OR5D3: variants seen among roughly 807,000 people sequenced by gnomAD.
OR5D3 encodes the protein olfactory receptor family 5 subfamily D member 3.
the OR5D3 span, among the ~76,000 whole-genome samples, chr11:55,725,857 G>A: frequency 3.3e-5 from 5 of 152,020 alleles, no homozygotes; most frequent in Admixed American, 6.5e-5. Context: ...CTGTAGAAAA[G>A]TATATATTTC....
the OR5D3 span, chr11:55,729,577 T>C: frequency 3.3e-5 from 5 of 151,962 alleles, no homozygotes; most frequent in Non-Finnish European, 7.4e-5. Context: ...TGGACAAATA[T>C]ATCATTACGT....
the OR5D3 span, chr11:55,728,621 A>G: frequency 7.2e-5 from 11 of 152,084 alleles, no homozygotes; most frequent in Non-Finnish European, 1.3e-4. Context: ...CCATGTGTTG[A>G]AGGTCCAATC....
the OR5D3 span, among the ~76,000 whole-genome samples, chr11:55,724,971 C>T: frequency 3.3e-5 from 5 of 151,920 alleles, no homozygotes; most frequent in Admixed American, 1.3e-4. Context: ...ATAGTTATGA[C>T]TTAGACTAAA....
the OR5D3 span, chr11:55,724,098 A>T: frequency 2.5e-6 from 1 of 396,982 alleles, no homozygotes. Flanking sequence ...CAGAAGGAAA[A>T]TACTGAGTTC....
the OR5D3 span, chr11:55,726,970 G>T: frequency 4.0e-5 from 16 of 400,342 alleles, no homozygotes; most frequent in East Asian, 4.6e-4. Context: ...CATTTTCCAT[G>T]GGACTATCCT....
the OR5D3 span, among the ~76,000 whole-genome samples, chr11:55,725,251 T>C: frequency 6.6e-6 from 1 of 152,052 alleles, no homozygotes; most frequent in Non-Finnish European, 1.5e-5. Flanking sequence ...TTTTATATCA[T>C]GAATATATTA....
chr11:55,726,035 C>T, the OR5D3 span, among the ~76,000 whole-genome samples: 1 of 151,896 alleles, frequency 6.6e-6, no homozygotes, highest in South Asian at 2.1e-4. Flanking sequence ...ATCCTATTCA[C>T]CTTGTAATTT....
the OR5D3 span, among the ~76,000 whole-genome samples, chr11:55,724,357 A>C: frequency 1.3e-5 from 2 of 152,086 alleles, no homozygotes; most frequent in Non-Finnish European, 2.9e-5. Context: ...CTGAGGAGAT[A>C]AGCGAGACTA....
At chr11:55,725,411 AC>A in the OR5D3 span, among the ~76,000 whole-genome samples, 3 of 152,110 alleles carry the variant, frequency 2.0e-5, no homozygotes, top group East Asian at 5.8e-4. Flanking sequence ...TTTCCTAAAA[AC>A]TAATATTTAT....
chr11:55,728,063 G>A, the OR5D3 span: 3 of 151,934 alleles, frequency 2.0e-5, no homozygotes, highest in South Asian at 2.1e-4. Flanking sequence ...ATATCAGTTC[G>A]ACCATTTGGG....
the OR5D3 span, chr11:55,726,622 T>A: frequency 2.5e-6 from 1 of 401,464 alleles, no homozygotes; most frequent in African/African-American, 2.1e-5. Flanking sequence ...AGTTGCAATG[T>A]CCCAGAGGCT....
the OR5D3 span, chr11:55,726,214 AG>A: frequency 1.0e-5 from 4 of 399,168 alleles, no homozygotes; most frequent in Non-Finnish European, 1.8e-5. Context: ...TTTTTCTCAC[AG>A]GATTCAAAAA....
At chr11:55,724,579 C>G in the OR5D3 span, among the ~76,000 whole-genome samples, 1 of 152,024 alleles carries the variant, frequency 6.6e-6, no homozygotes. Context: ...TCTACCATGA[C>G]TTTGAGAAAA....
the OR5D3 span, chr11:55,724,126 G>A: frequency 5.6e-5 from 22 of 394,120 alleles, no homozygotes; most frequent in African/African-American, 4.6e-4. Flanking sequence ...CTTAGTACCA[G>A]ACAAACACAC....
the OR5D3 span, chr11:55,726,847 G>A: frequency 2.5e-6 from 1 of 398,830 alleles, no homozygotes; most frequent in Non-Finnish European, 4.4e-6. Flanking sequence ...AAGCAGCCTG[G>A]TGATCATTCT....
At chr11:55,727,710 T>G in the OR5D3 span, 15 of 152,142 alleles carry the variant, frequency 9.9e-5, no homozygotes, top group African/African-American at 3.6e-4. Flanking sequence ...TGCATGATAA[T>G]AAGAAGATGG....
the OR5D3 span, chr11:55,728,102 A>G: frequency 6.6e-6 from 1 of 152,024 alleles, no homozygotes; most frequent in East Asian, 1.9e-4. Context: ...TAGATCAGCT[A>G]CCTTTGGAAC....
chr11:55,727,377 G>C, the OR5D3 span: 1 of 310,038 alleles, frequency 3.2e-6, no homozygotes, highest in South Asian at 1.6e-4. Flanking sequence ...AAAAGTTTTT[G>C]TGTTAGTATA....
the OR5D3 span, chr11:55,724,156 C>T: frequency 2.6e-6 from 1 of 388,834 alleles, no homozygotes. Flanking sequence ...GAAGTGCCCT[C>T]AAATCCACTT....
Sources: gnomAD v4.1 joint callset for allele counts (sites outside exome capture counted in the v4.1 genomes callset) on GRCh38, gnomAD v4.1.1 for gene constraint, MANE v1.5 for transcripts, NCBI Gene and HGNC (gene_info 2026-07-23, HGNC 2026-07-21) for gene names.